The following XNDC1N variants were observed in gnomAD, a reference collection of about 807,000 sequenced individuals.
The protein encoded by XNDC1N is XRCC1 N-terminal domain containing 1, N-terminal like.
the XNDC1N span, among the ~76,000 whole-genome samples, chr11:71,902,980 A>C: frequency 9.2e-5 from 14 of 152,254 alleles, no homozygotes; most frequent in Admixed American, 3.3e-4. Context: ...CAAGACGTGA[A>C]TAACACAGCA....
the XNDC1N span, among the ~76,000 whole-genome samples, chr11:71,912,400 G>A: frequency 1.1e-4 from 16 of 152,278 alleles, no homozygotes; most frequent in African/African-American, 3.9e-4. Flanking sequence ...GACATTGGAA[G>A]TAATATGATC....
At chr11:71,917,671 G>C in the XNDC1N span, 1 of 703,346 alleles carries the variant, frequency 1.4e-6, no homozygotes, top group Middle Eastern at 2.3e-4. Flanking sequence ...CTTTGAATCA[G>C]TTAGAGACAT....
At chr11:71,889,898 T>C in the XNDC1N span, among the ~76,000 whole-genome samples, 1 of 152,170 alleles carries the variant, frequency 6.6e-6, no homozygotes, top group Non-Finnish European at 1.5e-5. Flanking sequence ...TCTCGTGAAG[T>C]AACCCCTGTG....
the XNDC1N span, among the ~76,000 whole-genome samples, chr11:71,884,060 T>G: frequency 2.0e-5 from 3 of 152,200 alleles, no homozygotes; most frequent in Admixed American, 6.5e-5. Flanking sequence ...CCCCAATGAC[T>G]TTTTTAAGAA....
chr11:71,879,177 C>G, the XNDC1N span, among the ~76,000 whole-genome samples: 1 of 152,146 alleles, frequency 6.6e-6, no homozygotes, highest in Non-Finnish European at 1.5e-5. Flanking sequence ...CCTTGGTTCA[C>G]AGGATAAATT....
At chr11:71,908,220 A>T in the XNDC1N span, among the ~76,000 whole-genome samples, 8 of 151,940 alleles carry the variant, frequency 5.3e-5, no homozygotes, top group Non-Finnish European at 1.0e-4. Context: ...ATAATTGCTA[A>T]TAAAAAGTTT....
At chr11:71,923,561 T>TTG in the XNDC1N span, 1 of 284,598 alleles carries the variant, frequency 3.5e-6, no homozygotes, top group Admixed American at 9.4e-5. Flanking sequence ...TTCTGTTTTG[T>TTG]TTTTTTTTTT....
the XNDC1N span, among the ~76,000 whole-genome samples, chr11:71,901,327 C>A: frequency 6.6e-6 from 1 of 151,996 alleles, no homozygotes; most frequent in Admixed American, 6.5e-5. Context: ...AGCTGGGAGC[C>A]GTGGCTCACG....
the XNDC1N span, among the ~76,000 whole-genome samples, chr11:71,926,885 A>G: frequency 6.6e-6 from 1 of 151,930 alleles, no homozygotes; most frequent in Non-Finnish European, 1.5e-5. Flanking sequence ...TGGGTGACAA[A>G]GTGAGATTCT....
the XNDC1N span, among the ~76,000 whole-genome samples, chr11:71,885,473 G>A: frequency 4.6e-5 from 7 of 152,108 alleles, no homozygotes; most frequent in Admixed American, 1.3e-4. Flanking sequence ...TGAATTAGGA[G>A]CAAAATCACC....
chr11:71,871,399 G>C, the XNDC1N span, among the ~76,000 whole-genome samples: 8 of 152,132 alleles, frequency 5.3e-5, no homozygotes, highest in Non-Finnish European at 8.8e-5. Context: ...AGGATATCAT[G>C]GTCAAACAGT....
chr11:71,888,576 C>T, the XNDC1N span, among the ~76,000 whole-genome samples: 1 of 152,178 alleles, frequency 6.6e-6, no homozygotes, highest in African/African-American at 2.4e-5. Context: ...TGAACCCAGA[C>T]TGTGGGGCCC....
chr11:71,898,404 C>T, the XNDC1N span, among the ~76,000 whole-genome samples: 1 of 151,802 alleles, frequency 6.6e-6, no homozygotes, highest in Non-Finnish European at 1.5e-5. Flanking sequence ...CTCAGGAGTT[C>T]GAGAACAGCC....
the XNDC1N span, among the ~76,000 whole-genome samples, chr11:71,919,929 C>CTTTTTTTTTTTT: frequency 3.4e-4 from 9 of 26,628 alleles, 2 homozygotes; most frequent in Non-Finnish European, 5.9e-4. Flanking sequence ...AAGCAGGCCT[C>CTTTTTTTTTTTT]TTTTTTTTTT....
At chr11:71,887,713 G>C in the XNDC1N span, among the ~76,000 whole-genome samples, 34 of 152,210 alleles carry the variant, frequency 2.2e-4, no homozygotes, top group Non-Finnish European at 3.4e-4. Context: ...CTCCCCTCCT[G>C]TCTGTTCCCA....
chr11:71,871,925 G>C, the XNDC1N span, among the ~76,000 whole-genome samples: 1 of 152,128 alleles, frequency 6.6e-6, no homozygotes, highest in African/African-American at 2.4e-5. Flanking sequence ...ATATAAAATA[G>C]TATCACCGCT....
chr11:71,922,091 C>T, the XNDC1N span, among the ~76,000 whole-genome samples: 1 of 150,382 alleles, frequency 6.6e-6, no homozygotes, highest in African/African-American at 2.5e-5. Flanking sequence ...ACTCAGGAGG[C>T]AGAGGTTGTG....
the XNDC1N span, among the ~76,000 whole-genome samples, chr11:71,877,999 C>A: frequency 6.6e-6 from 1 of 152,226 alleles, no homozygotes; most frequent in South Asian, 2.1e-4. Context: ...TCTCACTAGT[C>A]TGTTTATAAT....
chr11:71,908,415 T>A, the XNDC1N span, among the ~76,000 whole-genome samples: 1 of 152,022 alleles, frequency 6.6e-6, no homozygotes, highest in Admixed American at 6.6e-5. Context: ...ATATTATGGG[T>A]TATTAAAATT....
Sources: gnomAD v4.1 joint callset for allele counts (sites outside exome capture counted in the v4.1 genomes callset) on GRCh38, gnomAD v4.1.1 for gene constraint, MANE v1.5 for transcripts, NCBI Gene and HGNC (gene_info 2026-07-23, HGNC 2026-07-21) for gene names.